ATP7B: variants seen among roughly 807,000 people sequenced by gnomAD.
ATP7B encodes the protein ATPase copper transporting beta, also known as copper-transporting ATPase 2.
Under a neutral mutation model 118.9 loss-of-function variants are expected in ATP7B, and 113 were observed. That is an observed-to-expected ratio of 0.95 (90% CI 0.82 to 1.11). ATP7B has a LOEUF of 1.11. ATP7B is among the 50% of genes most tolerant of loss of function. ATP7B has a pLI of 0.00. For synonymous variants in ATP7B, 777 were observed against 727.4 expected, an observed-to-expected ratio of 1.07 and a Z score of -1.10; for missense variants, 1,867 against 1,871.4, an observed-to-expected ratio of 1.00 and a Z score of 0.04.
Position 51,944,116 on chromosome 13 carries a change from C to T in ATP7B, c.3236G>A (p.Cys1079Tyr). The change falls in exon 14 of 21, where the codon TGT becomes TAT. Residue 1079 changes from cysteine (C) to tyrosine (Y), a missense_variant. Coordinates refer to ENST00000242839, the MANE Select transcript of ATP7B (RefSeq NM_000053.4). Reference sequence around the variant, plus strand: ...ACGCCCAAGTCCACGTACCTCTTTACAGTATTTGGTGACTGCCACGCCCAA... The same window carrying T: ...ACGCCCAAGTCCACGTACCTCTTTATAGTATTTGGTGACTGCCACGCCCAA... ...HPLGVAVTKY[C>Y]KEELGTETLG... is the part of the protein sequence containing the mutation. 6.2e-7 allele frequency: 1 copy of T among 1,614,162 alleles called. No individual in the cohort carries two copies. The highest frequency in any genetic ancestry group is 8.5e-7 in the Non-Finnish European group (1 of 1,180,016).
intron 4 of ATP7B, chr13:51,966,971 C>T: frequency 1.9e-6 from 3 of 1,613,560 alleles, no homozygotes; most frequent in Non-Finnish European, 2.5e-6. Flanking sequence ...GAAGAAACCA[C>T]AGCTGATGGC....
At chr13:51,938,303 T>A (rs1247156575) in intron 17 of ATP7B, among the ~76,000 whole-genome samples, 1 of 152,212 alleles carries the variant, frequency 6.6e-6, no homozygotes, top group Non-Finnish European at 1.5e-5. Flanking sequence ...TGCAAGACCA[T>A]GAGCCCGTCA....
At chr13:51,975,455 A>G (rs1034476363) in intron 1 of ATP7B, 2 of 584,784 alleles carry the variant, frequency 3.4e-6, no homozygotes, top group Non-Finnish European at 6.6e-6. Flanking sequence ...AAAGCACGAC[A>G]CAGCTTTACA....
In ATP7B at chr13:51,950,417, T is replaced by TATCACTCACATGGCCACTC. The variant is rs756991677; in HGVS notation, c.2448-37_2448-19dup. 3.7e-6 allele frequency: 6 copies of TATCACTCACATGGCCACTC among 1,613,608 alleles called. No individual in the cohort carries two copies. The African/African-American group carries it at 5.3e-5, about 14-fold the overall frequency. ...GCTCCTCCCTGCAACAAACGCCACT[T>TATCACTCACATGGCCACTC]ATCACTCACATGGCCACTCATTCGG... On this transcript the variant is annotated intron_variant, in intron 9 of 20. Transcript: ENST00000242839.
chr13:51,942,328 T>C, intron 15 of ATP7B, 58 bp downstream of exon 15: 2 of 1,609,004 alleles, frequency 1.2e-6, no homozygotes, highest in South Asian at 1.1e-5. Context: ...CGTGGTGCTC[T>C]CTGTGGTTTG....
intron 1 of ATP7B, among the ~76,000 whole-genome samples, chr13:51,984,374 G>C (rs916912834): frequency 2.0e-5 from 3 of 152,058 alleles, no homozygotes; most frequent in Admixed American, 1.3e-4. Context: ...AAAAAAGAAT[G>C]AAAAGGAACA....
upstream of ATP7B, chr13:52,012,108 C>T (rs1954057386): frequency 1.9e-6 from 1 of 534,544 alleles, no homozygotes; most frequent in South Asian, 2.1e-5. Flanking sequence ...CGCAGGCGCC[C>T]AGGCGGGGGC....
Position 51,937,608 on chromosome 13 carries a change from A to T in ATP7B, c.3771T>A (p.Asn1257Lys). The T allele has an allele frequency of 6.2e-7, 1 of 1,614,232 alleles. No homozygotes were observed. Among genetic ancestry groups the T allele is most frequent in the Non-Finnish European group, 8.5e-7 (1 of 1,180,038 alleles). The change falls in exon 18 of 21, where the codon AAT becomes AAA. Residue 1257 changes from asparagine (N) to lysine (K), a missense_variant. Physicochemically the swap from Asn to Lys is moderately conservative, Grantham distance 94. Transcript: ENST00000242839. ...HKVAKVQELQ[N>K]KGKKVAMVGD... The stretch of plus-strand genomic sequence containing the variant: ...CCACCATGGCGACTTTCTTCCCTTT[A>T]TTCTGGAGCTCCTGGACCTTGGCCA...
intron 5 of ATP7B, among the ~76,000 whole-genome samples, chr13:51,963,879 C>T (rs1028498342): frequency 6.6e-6 from 1 of 151,850 alleles, no homozygotes; most frequent in Non-Finnish European, 1.5e-5. Flanking sequence ...TGGCGAAACA[C>T]CATCTCAAGT....
intron 7 of ATP7B, 81 bp downstream of exon 7, chr13:51,960,065 CTA>C: frequency 2.0e-6 from 3 of 1,525,698 alleles, no homozygotes; most frequent in Non-Finnish European, 2.7e-6. Context: ...AGCTAAAGCA[CTA>C]TGTTTGCGCT....
chr13:51,937,743 A>C, intron 17 of ATP7B, 64 bp from the exon 18 acceptor site: 1 of 1,570,798 alleles, frequency 6.4e-7, no homozygotes, highest in Non-Finnish European at 8.7e-7. Flanking sequence ...CAGAAACCTC[A>C]AGTTACCCTT....
At chr13:51,942,839 C>A (rs1029827651) in intron 14 of ATP7B, among the ~76,000 whole-genome samples, 4 of 152,168 alleles carry the variant, frequency 2.6e-5, no homozygotes, top group Admixed American at 6.5e-5. Context: ...TGCCTCATGA[C>A]AGTGAACAGG....
At chr13:52,000,439 A>C (rs1953438681) in intron 1 of ATP7B, among the ~76,000 whole-genome samples, 1 of 152,172 alleles carries the variant, frequency 6.6e-6, no homozygotes, top group Non-Finnish European at 1.5e-5. Flanking sequence ...CTCACCTCCT[A>C]ATACCACCAC....
chr13:51,938,905 C>T lies in ATP7B; in HGVS notation c.3699+146G>A, dbSNP rs149167468. 166 of 1,326,234 alleles carry T rather than the reference C, an allele frequency of 1.3e-4. 1 individual carries two copies. The African/African-American group carries it at 2.2e-3, about 17-fold the overall frequency. The allele number at this position is 1,326,234 out of a possible 1,614,324, so 82.2% of individuals were successfully genotyped here. A position where few individuals can be genotyped will look rare whatever the true frequency, so the allele number is the denominator to read the frequency against. On this transcript the variant is annotated intron_variant, in intron 17 of 20. Transcript: ENST00000242839. ...AGTGCTCACGTGCAACACTACATGGCCACAGAATGAAACACGTGGAGAGAA... is the reference window on the plus strand; with the variant it reads ...AGTGCTCACGTGCAACACTACATGGTCACAGAATGAAACACGTGGAGAGAA...
intron 1 of ATP7B, chr13:51,995,326 C>G: frequency 1.0e-6 from 1 of 985,430 alleles, no homozygotes; most frequent in Non-Finnish European, 1.2e-6. Flanking sequence ...GACTGGAACT[C>G]ATTTCCCAGG....
Position 51,939,203 on chromosome 13 carries a change from A to G in ATP7B, c.3557-10T>C. The G allele has an allele frequency of 6.2e-7, 1 of 1,611,660 alleles. No individual in the cohort carries two copies. Among genetic ancestry groups the G allele is most frequent in the African/African-American group, 1.3e-5 (1 of 75,058 alleles). ...ATCCCACAGAGCACACCTGGAGCGA[A>G]CCAGCCAGCATCAGCAGCTACACAA... On this transcript the variant is annotated splice_polypyrimidine_tract_variant and intron_variant, in intron 16 of 20. Coordinates refer to ENST00000242839, the MANE Select transcript of ATP7B (RefSeq NM_000053.4).
rs1441316018 is a variant in ATP7B at position 51,944,213 on chromosome 13, C to A, written c.3139G>T (p.Asp1047Tyr). The change falls in exon 14 of 21, where the codon GAT becomes TAT. Residue 1047 changes from aspartate (D) to tyrosine (Y), a missense_variant. By Grantham distance (160) the Asp-to-Tyr change is radical (BLOSUM62 -3). Transcript: ENST00000242839. Reference protein sequence around the residue: ...PRVMRVLLLGDVATLPLRKVL... With the variant: ...PRVMRVLLLGYVATLPLRKVL... ...TTCCTGAGGGGCAGTGTGGCCACAT[C>A]CCCCAGCAGGAGCACCCGCATGACC... 7.4e-6 allele frequency: 12 copies of A among 1,614,050 alleles called. No individual in the cohort carries two copies. The Admixed American group carries it at 2.0e-4, about 27-fold the overall frequency.
At chr13:51,937,188 A>T in intron 19 of ATP7B, 88 bp downstream of exon 19, 1 of 1,303,136 alleles carries the variant, frequency 7.7e-7, no homozygotes, top group Admixed American at 1.7e-5. Context: ...CCAGCCAGTG[A>T]GTGAGCCACT....
At chr13:51,953,426 C>T (rs527698030) in intron 9 of ATP7B, among the ~76,000 whole-genome samples, 266 of 152,284 alleles carry the variant, frequency 1.7e-3, no homozygotes, top group African/African-American at 5.6e-3. Flanking sequence ...AAAATTGGCA[C>T]GAATGTACAG....
Sources: allele counts gnomAD v4.1 joint callset (sites outside exome capture counted in the v4.1 genomes callset), GRCh38; gene constraint gnomAD v4.1.1; transcripts MANE v1.5; gene names NCBI Gene and HGNC (gene_info 2026-07-23, HGNC 2026-07-21).